CFAP46: variants seen among roughly 807,000 people sequenced by gnomAD.
CFAP46 encodes cilia and flagella associated protein 46, also known as cilia- and flagella-associated protein 46.
CFAP46 carries 245 observed loss-of-function variants against 325.7 expected under a neutral mutation model. The ratio of observed to expected loss-of-function variants is 0.75; its 90% CI spans 0.68 to 0.84. The LOEUF (loss-of-function observed/expected upper bound fraction) is 0.84. Among genes scored for constraint, CFAP46 ranks in the 40% least tolerant of loss-of-function variants. CFAP46 has a pLI of 0.00. For synonymous variants in CFAP46, 1,523 were observed against 1,495.9 expected (o/e 1.02, Z -0.42); for missense variants, 3,346 against 3,543.0 (o/e 0.94, Z 1.41).
At chr10:132,846,375 T>C (rs1164479551) in intron 43 of CFAP46, 148 bp from the exon 44 acceptor site, 4 of 987,624 alleles carry the variant, frequency 4.1e-6, no homozygotes, top group Non-Finnish European at 4.4e-6. Context: ...TGGCTCCTCC[T>C]GGCACCTGCA....
chr10:132,912,129 C>T (rs1849549079), intron 19 of CFAP46, among the ~76,000 whole-genome samples: 1 of 134,738 alleles, frequency 7.4e-6, no homozygotes, highest in African/African-American at 2.7e-5. Context: ...CCCCCACCCC[C>T]CCACCCCCAC....
chr10:132,927,430 G>A (rs965550056), intron 9 of CFAP46, among the ~76,000 whole-genome samples: 3 of 152,074 alleles, frequency 2.0e-5, no homozygotes, highest in Non-Finnish European at 1.5e-5. Flanking sequence ...GGTCCTCGGC[G>A]GCAGACGTCC....
At chr10:132,864,639 C>CA (rs1319823100) in intron 35 of CFAP46, among the ~76,000 whole-genome samples, 4 of 139,396 alleles carry the variant, frequency 2.9e-5, no homozygotes, top group African/African-American at 5.4e-5. Context: ...CACCTGTCCC[C>CA]CTGCCTGAGA....
rs752162293 is a variant in CFAP46 at position 132,883,483 on chromosome 10, C to A, written c.3627+1620G>T. Among the ~76,000 whole-genome samples, 3 of 152,240 alleles carry A rather than the reference C, an allele frequency of 2.0e-5. No homozygotes were observed. In the South Asian group the frequency reaches 6.2e-4, roughly 32 times the overall value. On this transcript the variant is annotated intron_variant, in intron 27 of 57. Coordinates refer to ENST00000368586, the MANE Select transcript of CFAP46 (RefSeq NM_001200049.3). Reference sequence around the variant, plus strand: ...TCAGACGACATCAAGAGCTGGTGAGCGTGTGGAGAAACCGCAGCCCACGCC... The same window carrying A: ...TCAGACGACATCAAGAGCTGGTGAGAGTGTGGAGAAACCGCAGCCCACGCC...
At chr10:132,865,642 G>A (rs766155943) in intron 35 of CFAP46, among the ~76,000 whole-genome samples, 1 of 152,168 alleles carries the variant, frequency 6.6e-6, no homozygotes, top group African/African-American at 2.4e-5. Flanking sequence ...CACACAATCC[G>A]CCTTCTAGAA....
Position 132,860,531 on chromosome 10 carries a change from C to T in CFAP46, c.5092-8G>A. 6.5e-7 allele frequency: 1 copy of T among 1,539,576 alleles called. No homozygotes were observed. Among genetic ancestry groups the T allele is most frequent in the Non-Finnish European group, 8.8e-7 (1 of 1,136,742 alleles). ...CTGAAATATGTGACACACCTGAGGA[C>T]AGGCAGGGGTGGATACGGGTGTGTC... On this transcript the variant is annotated splice_polypyrimidine_tract_variant and splice_region_variant and intron_variant, in intron 36 of 57. Coordinates refer to ENST00000368586, the MANE Select transcript of CFAP46 (RefSeq NM_001200049.3).
At chr10:132,878,882 C>G (rs1178704788) in intron 29 of CFAP46, among the ~76,000 whole-genome samples, 4 of 152,202 alleles carry the variant, frequency 2.6e-5, no homozygotes, top group Admixed American at 1.3e-4. Context: ...GAGGCCTAGA[C>G]AGACGCACGG....
chr10:132,849,054 G>A (rs1848489907), intron 41 of CFAP46, among the ~76,000 whole-genome samples: 1 of 152,228 alleles, frequency 6.6e-6, no homozygotes. Context: ...CAAAAGGCAG[G>A]TACGTCCCGG....
At chr10:132,854,323 G>GTGTTTTGTTTTGTTT (rs59344968) in intron 39 of CFAP46, among the ~76,000 whole-genome samples, 7,750 of 151,166 alleles carry the variant, frequency 0.051, 230 homozygotes, top group Middle Eastern at 0.068. Flanking sequence ...ATAGCTTTCT[G>GTGTTTTGTTTTGTTT]TGTTTTGTTT....
intron 28 of CFAP46, 67 bp downstream of exon 28, chr10:132,880,794 A>G (rs970487652): frequency 2.5e-5 from 38 of 1,502,706 alleles, no homozygotes; most frequent in Non-Finnish European, 3.3e-5. Flanking sequence ...GGTCCAGATC[A>G]CGGAGCAGGA....
intron 16 of CFAP46, 29 bp downstream of exon 16, chr10:132,918,364 A>C (rs1266128390): frequency 6.6e-7 from 1 of 1,504,368 alleles, no homozygotes; most frequent in Admixed American, 2.1e-5. Flanking sequence ...GCACCTCAGC[A>C]CCGATGAACC....
rs1849231482 is a variant in CFAP46 at position 132,889,921 on chromosome 10, C to T, written c.3304+2412G>A. Among the ~76,000 whole-genome samples, 1 of 152,218 alleles carries T rather than the reference C, an allele frequency of 6.6e-6. No individual in the cohort carries two copies. The highest frequency in any genetic ancestry group is 6.5e-5 in the Admixed American group (1 of 15,278). On this transcript the variant is annotated intron_variant, in intron 25 of 57. Coordinates refer to ENST00000368586, the MANE Select transcript of CFAP46 (RefSeq NM_001200049.3). This position sits in a 1 kb window ranked among gnomAD's most constrained non-coding sequence, Gnocchi z 6.0. The stretch of plus-strand genomic sequence containing the variant: ...TGCCAGACGTGGTGTGAGTATCTTC[C>T]CGTCTGTTCACTTCTTACTGTTCTG...
rs1211848516 is a variant in CFAP46 at position 132,851,219 on chromosome 10, G to T, written c.5661C>A (p.Phe1887Leu). The change falls in exon 40 of 58, where the codon TTC becomes TTA. Residue 1887 changes from phenylalanine (F) to leucine (L), a missense_variant. By Grantham distance (22) the Phe-to-Leu change is conservative (BLOSUM62 0). Coordinates refer to ENST00000368586, the MANE Select transcript of CFAP46 (RefSeq NM_001200049.3). ...GCTGCCCGTGGGCCTCCTCCCAGAT[G>T]AACTGGAGCATGTCCAGAGCCATTT... ...LVEMALDMLQFIWEEAHGQQS... is the reference protein window; with the variant it reads ...LVEMALDMLQLIWEEAHGQQS... The T allele has an allele frequency of 7.4e-6, 12 of 1,614,116 alleles. No individual in the cohort carries two copies. Among genetic ancestry groups the T allele is most frequent in the Non-Finnish European group, 1.0e-5 (12 of 1,180,040 alleles).
rs763345319 is a variant in CFAP46 at position 132,828,157 on chromosome 10, C to T, written c.7117+5201G>A. On this transcript the variant is annotated intron_variant, in intron 50 of 57. Coordinates refer to ENST00000368586, the MANE Select transcript of CFAP46 (RefSeq NM_001200049.3). This position sits in a 1 kb window ranked among gnomAD's most constrained non-coding sequence, Gnocchi z 4.9. ...TCCCGGTTTAGGTCATTGCAGATAA[C>T]GCTGCTGTAAACATGTGTATGAGTT... Among the ~76,000 whole-genome samples, 5 of 152,308 alleles carry T rather than the reference C, an allele frequency of 3.3e-5. No homozygotes were observed. In the East Asian group the frequency reaches 5.8e-4, roughly 18 times the overall value.
Position 132,892,317 on chromosome 10 carries a change from C to T in CFAP46, c.3304+16G>A, listed in dbSNP as rs968336332. 1.3e-6 allele frequency: 2 copies of T among 1,550,362 alleles called. No individual in the cohort carries two copies. The highest frequency in any genetic ancestry group is 1.4e-5 in the African/African-American group (1 of 73,178). ...TTGTACCTGGAGCCTGTGGGTCTGT[C>T]TGTCCTGCTACAAACCTGGAAGAAA... On this transcript the variant is annotated intron_variant, in intron 25 of 57. Transcript: ENST00000368586.
chr10:132,914,022 C>A (rs1340187557), intron 17 of CFAP46, among the ~76,000 whole-genome samples: 5 of 151,744 alleles, frequency 3.3e-5, no homozygotes, highest in Non-Finnish European at 5.9e-5. Context: ...AAACCTCTGG[C>A]CCCCGCCCCG....
intron 48 of CFAP46, 93 bp downstream of exon 48, chr10:132,834,561 G>C: frequency 1.3e-6 from 2 of 1,522,378 alleles, no homozygotes; most frequent in African/African-American, 2.8e-5. Flanking sequence ...GGCCGAGAAG[G>C]CACAGCAAGC....
intron 10 of CFAP46, 61 bp from the exon 11 acceptor site, chr10:132,924,947 G>C (rs769044311): frequency 7.5e-7 from 1 of 1,329,146 alleles, no homozygotes; most frequent in Non-Finnish European, 9.8e-7. Flanking sequence ...GGGCTGGGGC[G>C]GCACCTGCGT....
At chr10:132,931,005 C>T (rs1157703130) in intron 8 of CFAP46, among the ~76,000 whole-genome samples, 3 of 128,550 alleles carry the variant, frequency 2.3e-5, no homozygotes, top group Admixed American at 7.7e-5. Context: ...GAGCCTGGGC[C>T]TTCCTCCTCC....
Sources: gnomAD v4.1 joint callset for allele counts (sites outside exome capture counted in the v4.1 genomes callset) on GRCh38, gnomAD v4.1.1 for gene constraint, Gnocchi (gnomAD v3.1) non-coding constraint, MANE v1.5 for transcripts, NCBI Gene and HGNC (gene_info 2026-07-23, HGNC 2026-07-21) for gene names.